TAB3: variants seen among roughly 807,000 people sequenced by gnomAD.
TAB3 encodes the protein TGF-beta activated kinase 1 (MAP3K7) binding protein 3.
In TAB3, 18 loss-of-function variants were observed where a neutral mutation model predicts 48.1. The observed-to-expected ratio is 0.37, with a 90% CI of 0.26 to 0.55. TAB3 has a LOEUF of 0.55. TAB3 is among the 20% of genes least tolerant of loss of function. The probability of loss-of-function intolerance (pLI) is 0.78; values close to 1 mark genes in which losing one functional copy is unlikely to be tolerated. For missense variants in TAB3, 414 were observed against 549.8 expected (o/e 0.75, Z 2.47); for synonymous variants, 185 against 190.2 (o/e 0.97, Z 0.22).
At chrX:30,866,764 C>CATAG (rs976513689) in intron 4 of TAB3, among the ~76,000 whole-genome samples, 2 of 106,459 alleles carry the variant, frequency 1.9e-5, no homozygotes, top group African/African-American at 6.9e-5. Flanking sequence ...AAACAATTTA[C>CATAG]ATAGATAATT....
chrX:30,832,117 GAA>G (rs1462513413), intron 10 of TAB3, among the ~76,000 whole-genome samples: 2 of 112,191 alleles, frequency 1.8e-5, no homozygotes, highest in Admixed American at 1.9e-4. Context: ...TCAGAATAGT[GAA>G]AAGAGGAAGA....
chrX:30,869,617 A>G (rs915390063), intron 2 of TAB3, among the ~76,000 whole-genome samples: 3 of 112,406 alleles, frequency 2.7e-5, no homozygotes, highest in African/African-American at 9.7e-5. Context: ...GGCCTTGAAA[A>G]TAACTGGAAA....
At position 30,870,441 on chromosome X, in the gene TAB3, A is replaced by C. The variant is rs772950043; in HGVS notation, c.-280+1258T>G. Among the ~76,000 whole-genome samples, 8 of 111,762 alleles carry C rather than the reference A, an allele frequency of 7.2e-5. No homozygotes were observed. In the East Asian group the frequency reaches 2.0e-3, roughly 27 times the overall value. On this transcript the variant is annotated intron_variant, in intron 2 of 10. Transcript: ENST00000288422. ...ATAAAATCTAAGCTTGGCGATACAG[A>C]AGACCCATGTCCTCGTAGTGAGAGA... is the stretch of plus-strand genomic sequence containing the variant.
chrX:30,832,284 A>C (rs1480800334), intron 10 of TAB3, among the ~76,000 whole-genome samples: 1 of 112,210 alleles, frequency 8.9e-6, no homozygotes, highest in Non-Finnish European at 1.9e-5. Context: ...CCAGGATTTG[A>C]AAAAGATATC....
At chrX:30,848,075 C>A (rs1185317971) in intron 7 of TAB3, among the ~76,000 whole-genome samples, 1 of 111,959 alleles carries the variant, frequency 8.9e-6, no homozygotes, top group Non-Finnish European at 1.9e-5. Context: ...TGCTATCTTC[C>A]TAGGAACACA....
In TAB3 at chrX:30,859,637, G is replaced by A. The variant is rs1168078353; in HGVS notation, c.-49C>T. ...TTCTCTTAGGAAATGGATGTTAACC[G>A]GCTTTCCAAAAGTAATGATCTTCTA... On this transcript the variant is annotated 5_prime_UTR_variant, in exon 5 of 11. Coordinates refer to ENST00000288422, the MANE Select transcript of TAB3 (RefSeq NM_152787.5). 9 of 908,649 alleles carry A rather than the reference G, an allele frequency of 9.9e-6. No individual in the cohort carries two copies. Among genetic ancestry groups the A allele is most frequent in the Admixed American group, 2.6e-5 (1 of 39,123 alleles). 74.9% of individuals were successfully genotyped at this position (908,649 alleles called of 1,213,427 possible). A position where few individuals can be genotyped will look rare whatever the true frequency, so the allele number is the denominator to read the frequency against.
intron 9 of TAB3, among the ~76,000 whole-genome samples, chrX:30,841,648 T>G (rs1938446289): frequency 8.9e-6 from 1 of 111,847 alleles, no homozygotes; most frequent in African/African-American, 3.3e-5. Flanking sequence ...TTAAGTCTGA[T>G]GAGATGTTAA....
chrX:30,871,204 T>C (rs1457797829), intron 2 of TAB3, among the ~76,000 whole-genome samples: 1 of 112,329 alleles, frequency 8.9e-6, no homozygotes, highest in Non-Finnish European at 1.9e-5. Flanking sequence ...CCCTTATTTG[T>C]TCATAATACT....
In TAB3 at chrX:30,834,040, CA is replaced by C. The variant is rs1406069468; in HGVS notation, c.1990+10del. 43 of 1,201,911 alleles carry C rather than the reference CA, an allele frequency of 3.6e-5. No individual in the cohort carries two copies. The highest frequency in any genetic ancestry group is 4.8e-5 in the Non-Finnish European group (43 of 886,851). ...ACATTCTGCACAAACTCTGGACACA[CA>C]AGTACAAACCATCTGCAGCTGCTGC... On this transcript the variant is annotated intron_variant, in intron 10 of 10. Coordinates refer to ENST00000288422, the MANE Select transcript of TAB3 (RefSeq NM_152787.5).
At chrX:30,843,147 G>A in intron 8 of TAB3, 98 bp from the exon 9 acceptor site, 2 of 467,150 alleles carry the variant, frequency 4.3e-6, no homozygotes, top group East Asian at 4.1e-5. Context: ...ACATAAGAAG[G>A]GAAAAATGTT....
intron 9 of TAB3, among the ~76,000 whole-genome samples, chrX:30,839,926 A>T (rs1221418762): frequency 1.0e-5 from 1 of 97,966 alleles, no homozygotes; most frequent in Non-Finnish European, 2.0e-5. Flanking sequence ...ATATATATAT[A>T]TATATATATA....
intron 1 of TAB3, among the ~76,000 whole-genome samples, chrX:30,873,313 G>A (rs926614071): frequency 5.5e-5 from 6 of 109,364 alleles, no homozygotes; most frequent in Non-Finnish European, 9.5e-5. Flanking sequence ...CGAGGCGGGC[G>A]GATCACGAGG....
intron 6 of TAB3, among the ~76,000 whole-genome samples, chrX:30,853,652 GACTCTGAAGC>G (rs1938942451): frequency 8.9e-6 from 1 of 112,308 alleles, no homozygotes; most frequent in African/African-American, 3.2e-5. Flanking sequence ...GTCTATACAT[GACTCTGAAGC>G]ACTAACTTTA....
intron 1 of TAB3, among the ~76,000 whole-genome samples, chrX:30,880,352 C>T (rs1293640996): frequency 8.9e-6 from 1 of 111,737 alleles, no homozygotes; most frequent in Non-Finnish European, 1.9e-5. Context: ...AGGAACAGAA[C>T]AGAAAGCACA....
intron 1 of TAB3, among the ~76,000 whole-genome samples, chrX:30,875,958 T>C (rs113777005): frequency 8.0e-5 from 9 of 112,202 alleles, no homozygotes; most frequent in African/African-American, 2.6e-4. Flanking sequence ...CCTCCCTATC[T>C]GAAGGCAAGG....
At chrX:30,861,591 T>C (rs1939253435) in intron 4 of TAB3, among the ~76,000 whole-genome samples, 1 of 112,155 alleles carries the variant, frequency 8.9e-6, no homozygotes, top group African/African-American at 3.2e-5. Context: ...AGTGTTAATT[T>C]AACTTTTTTC....
chrX:30,885,638 G>A (rs1319751326), intron 1 of TAB3, among the ~76,000 whole-genome samples: 3 of 111,638 alleles, frequency 2.7e-5, no homozygotes, highest in Non-Finnish European at 5.7e-5. Context: ...GAAACAGTGC[G>A]AAGATGGCGG....
At chrX:30,846,917 C>T (rs776082504) in intron 7 of TAB3, among the ~76,000 whole-genome samples, 3 of 111,562 alleles carry the variant, frequency 2.7e-5, no homozygotes, top group South Asian at 3.8e-4. Context: ...AAGATACTAC[C>T]GTTTTAATCA....
At chrX:30,843,321 G>A (rs1286342798) in intron 8 of TAB3, 1 of 180,027 alleles carries the variant, frequency 5.6e-6, no homozygotes, top group Non-Finnish European at 1.0e-5. Context: ...TCCTTAGGCA[G>A]GATTAGGCAT....
Sources: allele counts gnomAD v4.1 joint callset (sites outside exome capture counted in the v4.1 genomes callset), GRCh38; gene constraint gnomAD v4.1.1; transcripts MANE v1.5; gene names NCBI Gene and HGNC (gene_info 2026-07-23, HGNC 2026-07-21).